Variants in DACH2 observed in about 807,000 individuals in gnomAD.
DACH2 encodes the protein dachshund homolog 2.
DACH2 carries 17 observed loss-of-function variants against 35.8 expected under a neutral mutation model. The ratio of observed to expected loss-of-function variants is 0.48; its 90% CI spans 0.33 to 0.71. The LOEUF (loss-of-function observed/expected upper bound fraction) is 0.71, where lower values mean the gene tolerates loss of function less well. Ranked by LOEUF, DACH2 falls within the 30% of genes least tolerant of loss-of-function variation. The pLI is 0.02. For synonymous variants in DACH2, 195 were observed against 177.3 expected, an observed-to-expected ratio of 1.10 and a Z score of -0.79; for missense variants, 469 against 472.7, an observed-to-expected ratio of 0.99 and a Z score of 0.07.
chrX:86,458,637 A>G (rs2037515810), intron 2 of DACH2, among the ~76,000 whole-genome samples: 1 of 112,135 alleles, frequency 8.9e-6, no homozygotes, highest in South Asian at 3.7e-4. Context: ...ACATTATCAT[A>G]GTGGGCTATG....
At chrX:86,784,718 G>A (rs932132922) in intron 7 of DACH2, among the ~76,000 whole-genome samples, 12 of 111,798 alleles carry the variant, frequency 1.1e-4, no homozygotes, top group African/African-American at 3.6e-4. Flanking sequence ...CAAAGACATG[G>A]AATCGACAGA....
intron 1 of DACH2, among the ~76,000 whole-genome samples, chrX:86,196,883 G>C (rs1284540254): frequency 9.1e-6 from 1 of 109,736 alleles, no homozygotes; most frequent in East Asian, 2.9e-4. Flanking sequence ...TAGAGAGACA[G>C]ACATTCAAAT....
chrX:86,430,971 T>G (rs998371611), intron 2 of DACH2, among the ~76,000 whole-genome samples: 1 of 112,130 alleles, frequency 8.9e-6, no homozygotes, highest in Non-Finnish European at 1.9e-5. Flanking sequence ...ACTGTGCATG[T>G]CCCCTTCTAA....
chrX:86,650,924 T>C (rs6617253), intron 3 of DACH2, 112 bp from the exon 4 acceptor site: 78,800 of 639,607 alleles, frequency 0.12, 4,596 homozygotes, highest in East Asian at 0.36. Context: ...CAAGCCTCAG[T>C]ATCATGCAAT....
chrX:86,301,419 A>T (rs1020423297), intron 1 of DACH2, among the ~76,000 whole-genome samples: 11 of 111,862 alleles, frequency 9.8e-5, no homozygotes, highest in African/African-American at 3.6e-4. Flanking sequence ...TTTGAAATTC[A>T]AGGAAGATTA....
chrX:86,770,965 C>T (rs901741916), intron 7 of DACH2, among the ~76,000 whole-genome samples: 1 of 112,978 alleles, frequency 8.9e-6, no homozygotes, highest in Non-Finnish European at 1.9e-5. Flanking sequence ...CATATTTTGT[C>T]TACTTTACTT....
intron 1 of DACH2, among the ~76,000 whole-genome samples, chrX:86,209,482 T>C (rs918446221): frequency 6.3e-5 from 7 of 111,818 alleles, no homozygotes; most frequent in Non-Finnish European, 1.3e-4. Context: ...AAGCCAGAAA[T>C]GACACTTTTT....
chrX:86,248,788 C>G (rs936698666), intron 1 of DACH2, among the ~76,000 whole-genome samples: 1 of 110,805 alleles, frequency 9.0e-6, no homozygotes, highest in East Asian at 2.8e-4. Flanking sequence ...TACCCAACTT[C>G]AGACTATACT....
rs776391998 is a variant in DACH2 at position 86,576,755 on chromosome X, G to A, written c.640+62364G>A. On this transcript the variant is annotated intron_variant, in intron 3 of 11. Transcript: ENST00000373125. ...TTTGGGTCATAGGGTCTGATTCCTC[G>A]TGAAGAGATCAATGCCTCCCTTGGG... Among the ~76,000 whole-genome samples, 427 of 111,195 alleles carry A rather than the reference G, an allele frequency of 3.8e-3. 1 individual carries two copies. The highest frequency in any genetic ancestry group is 6.5e-3 in the South Asian group (17 of 2,630).
intron 1 of DACH2, among the ~76,000 whole-genome samples, chrX:86,303,832 A>T (rs1191589285): frequency 1.8e-5 from 2 of 111,114 alleles, no homozygotes; most frequent in Non-Finnish European, 3.8e-5. Context: ...AGCGATCTAC[A>T]GATTCAGTGC....
intron 2 of DACH2, among the ~76,000 whole-genome samples, chrX:86,393,721 T>C (rs919594577): frequency 4.5e-4 from 50 of 111,396 alleles, no homozygotes; most frequent in African/African-American, 1.5e-3. Context: ...ATTTACTTGG[T>C]GATGCCTATA....
At chrX:86,177,058 T>C (rs1322757051) in intron 1 of DACH2, among the ~76,000 whole-genome samples, 1 of 111,903 alleles carries the variant, frequency 8.9e-6, no homozygotes, top group Non-Finnish European at 1.9e-5. Context: ...GTACAATGGA[T>C]AATAATCACA....
chrX:86,231,129 A>G (rs1357384418), intron 1 of DACH2, among the ~76,000 whole-genome samples: 1 of 111,946 alleles, frequency 8.9e-6, no homozygotes, highest in Non-Finnish European at 1.9e-5. Flanking sequence ...AGGGCTATGA[A>G]CTTTCCTCTT....
chrX:86,681,609 C>A (rs187282635), intron 4 of DACH2, among the ~76,000 whole-genome samples: 7,544 of 98,770 alleles, frequency 0.076, 575 homozygotes, highest in African/African-American at 0.21. Context: ...CTCTCTCTCT[C>A]TATATATATA....
At chrX:86,702,229 T>C (rs1434826650) in intron 5 of DACH2, among the ~76,000 whole-genome samples, 1 of 111,005 alleles carries the variant, frequency 9.0e-6, no homozygotes, top group Non-Finnish European at 1.9e-5. Context: ...AAATGAATGA[T>C]AATGGTGACA....
intron 1 of DACH2, among the ~76,000 whole-genome samples, chrX:86,270,027 ATATATATATATATT>A: frequency 1.0e-5 from 1 of 96,618 alleles, no homozygotes; most frequent in African/African-American, 4.1e-5. Flanking sequence ...TATATATTAT[ATATATATATATATT>A]TTTTTTTTTT....
rs759135417 is a variant in DACH2 at position 86,606,181 on chromosome X, T to G, written c.641-44855T>G. 4.5e-5 allele frequency among the ~76,000 whole-genome samples: 5 copies of G among 111,395 alleles called. No homozygotes were observed. In the South Asian group the frequency reaches 1.8e-3, roughly 41 times the overall value. ...CTATATTTGTGTCTTAAACTGGGCA[T>G]GCTTCTTCTGCTCTAATCTTTATTA... On this transcript the variant is annotated intron_variant, in intron 3 of 11. Transcript: ENST00000373125.
chrX:86,542,314 G>A (rs756166026), intron 3 of DACH2, among the ~76,000 whole-genome samples: 1 of 111,811 alleles, frequency 8.9e-6, no homozygotes, highest in Admixed American at 9.5e-5. Context: ...TTTGGGCCAT[G>A]AGTGTGATCT....
At chrX:86,259,323 A>G (rs1254871273) in intron 1 of DACH2, among the ~76,000 whole-genome samples, 4 of 111,864 alleles carry the variant, frequency 3.6e-5, no homozygotes, top group Non-Finnish European at 5.7e-5. Context: ...GATTTACAAC[A>G]TGGTGACAGA....
Sources: gnomAD v4.1 joint callset for allele counts (sites outside exome capture counted in the v4.1 genomes callset) on GRCh38, gnomAD v4.1.1 for gene constraint, MANE v1.5 for transcripts, NCBI Gene and HGNC (gene_info 2026-07-23, HGNC 2026-07-21) for gene names.